Variants in AGBL4 observed in about 807,000 individuals in gnomAD.
The protein encoded by AGBL4 is cytosolic carboxypeptidase 6.
In AGBL4, 58 loss-of-function variants were observed where a neutral mutation model predicts 66.4. The ratio of observed to expected loss-of-function variants is 0.87; its 90% CI spans 0.71 to 1.09. The LOEUF is 1.09. AGBL4 is among the 50% of genes least tolerant of loss of function. The probability of loss-of-function intolerance (pLI) is 0.00; values close to 1 mark genes in which losing one functional copy is unlikely to be tolerated. For synonymous variants in AGBL4, 234 were observed against 222.9 expected, an observed-to-expected ratio of 1.05 and a Z score of -0.44; for missense variants, 579 against 631.0, an observed-to-expected ratio of 0.92 and a Z score of 0.88.
At chr1:49,932,199 G>A (rs7533003) in intron 1 of AGBL4, among the ~76,000 whole-genome samples, 103,859 of 152,022 alleles carry the variant, frequency 0.68, 36,202 homozygotes, top group African/African-American at 0.77. Context: ...AATAAAACTA[G>A]ACATACATGG....
At chr1:48,858,549 C>A (rs1279677948) in intron 6 of AGBL4, among the ~76,000 whole-genome samples, 3 of 152,086 alleles carry the variant, frequency 2.0e-5, no homozygotes, top group African/African-American at 7.2e-5. Context: ...CTTGAAAACA[C>A]TGTGGTAAGT....
intron 6 of AGBL4, among the ~76,000 whole-genome samples, chr1:48,663,767 G>A (rs1646143546): frequency 6.6e-6 from 1 of 152,124 alleles, no homozygotes; most frequent in Non-Finnish European, 1.5e-5. Flanking sequence ...CATTTAATTA[G>A]CTCCTTTTGT....
At chr1:48,852,015 C>CTTTTTTTTTTTTTTTTT (rs138826187) in intron 6 of AGBL4, among the ~76,000 whole-genome samples, 2 of 71,932 alleles carry the variant, frequency 2.8e-5, no homozygotes, top group African/African-American at 1.0e-4. Flanking sequence ...CAGATACGTA[C>CTTTTTTTTTTTTTTTTT]TTTTTTTTTT....
At chr1:49,395,698 C>G (rs538636259) in intron 3 of AGBL4, among the ~76,000 whole-genome samples, 4 of 146,786 alleles carry the variant, frequency 2.7e-5, no homozygotes, top group African/African-American at 1.0e-4. Context: ...GAAAAATTGT[C>G]TTCCACAAAA....
intron 1 of AGBL4, among the ~76,000 whole-genome samples, chr1:49,896,608 AACACACACACACACACAC>A (rs58132063): frequency 6.7e-5 from 9 of 133,802 alleles, no homozygotes; most frequent in South Asian, 2.7e-4. Context: ...GACCCATGAA[AACACACACACACACACAC>A]ACACACACAC....
chr1:48,858,597 T>G (rs1647245098), intron 6 of AGBL4, among the ~76,000 whole-genome samples: 1 of 152,198 alleles, frequency 6.6e-6, no homozygotes, highest in African/African-American at 2.4e-5. Flanking sequence ...TATGGTATGA[T>G]TTGATTTATA....
chr1:49,131,357 T>C (rs1047564120), intron 4 of AGBL4, among the ~76,000 whole-genome samples: 1 of 152,088 alleles, frequency 6.6e-6, no homozygotes, highest in African/African-American at 2.4e-5. Flanking sequence ...CGTTGATCAC[T>C]ACCCTTAAAA....
chr1:49,833,134 G>A (rs534739032), intron 2 of AGBL4, among the ~76,000 whole-genome samples: 1 of 152,086 alleles, frequency 6.6e-6, no homozygotes, highest in African/African-American at 2.4e-5. Flanking sequence ...TAGGTCTAAG[G>A]TTTAAGTCTT....
At chr1:49,029,900 A>G (rs567268379) in intron 5 of AGBL4, among the ~76,000 whole-genome samples, 2 of 152,324 alleles carry the variant, frequency 1.3e-5, no homozygotes, top group South Asian at 4.1e-4. Flanking sequence ...GATTTTTGAC[A>G]AGGGTACCAA....
intron 1 of AGBL4, among the ~76,000 whole-genome samples, chr1:49,858,873 T>A (rs116651347): frequency 7.8e-4 from 118 of 152,110 alleles, no homozygotes; most frequent in African/African-American, 2.8e-3. Flanking sequence ...AAAATTAGCA[T>A]GGTGTGGTGG....
intron 4 of AGBL4, among the ~76,000 whole-genome samples, chr1:49,216,909 G>A (rs570838357): frequency 6.6e-6 from 1 of 152,096 alleles, no homozygotes; most frequent in Non-Finnish European, 1.5e-5. Context: ...TGCAATAACC[G>A]TATGGCTCCC....
At chr1:49,391,592 C>T (rs983265993) in intron 3 of AGBL4, among the ~76,000 whole-genome samples, 5 of 146,208 alleles carry the variant, frequency 3.4e-5, no homozygotes, top group Admixed American at 6.9e-5. Flanking sequence ...GACGGAGTCT[C>T]GCTCTATCGC....
intron 2 of AGBL4, among the ~76,000 whole-genome samples, chr1:49,850,263 T>G (rs1040993487): frequency 6.6e-6 from 1 of 152,080 alleles, no homozygotes; most frequent in African/African-American, 2.4e-5. Flanking sequence ...AAGGCAGAGA[T>G]TAGAGTGATG....
At chr1:49,107,694 TGA>T (rs56321932) in intron 4 of AGBL4, among the ~76,000 whole-genome samples, 3,618 of 113,850 alleles carry the variant, frequency 0.032, 40 homozygotes, top group South Asian at 0.041. Flanking sequence ...TGTGTGTGTG[TGA>T]GAGAGAGAGA....
intron 3 of AGBL4, among the ~76,000 whole-genome samples, chr1:49,288,421 C>A (rs982008301): frequency 6.6e-6 from 1 of 150,416 alleles, no homozygotes; most frequent in African/African-American, 2.4e-5. Context: ...CTAGATCCAA[C>A]AGAGAGCATT....
chr1:49,947,969 T>TATTTATATATATAAATATATATAA, intron 1 of AGBL4, among the ~76,000 whole-genome samples: 1 of 75,272 alleles, frequency 1.3e-5, no homozygotes, highest in East Asian at 7.0e-4. Context: ...TATAAATATA[T>TATTTATATATATAAATATATATAA]ATATTTATAA....
intron 3 of AGBL4, among the ~76,000 whole-genome samples, chr1:49,636,756 T>C (rs1016264576): frequency 2.6e-5 from 4 of 152,210 alleles, no homozygotes; most frequent in African/African-American, 9.6e-5. Context: ...GGAGGAGTCT[T>C]CAGGATACTA....
At chr1:49,760,288 T>G (rs780446277) in intron 2 of AGBL4, among the ~76,000 whole-genome samples, 5 of 152,220 alleles carry the variant, frequency 3.3e-5, no homozygotes, top group African/African-American at 4.8e-5. Flanking sequence ...GTGCATAAGA[T>G]CTTTAGTTTA....
At chr1:49,599,212 G>A (rs1186448705) in intron 3 of AGBL4, among the ~76,000 whole-genome samples, 2 of 152,126 alleles carry the variant, frequency 1.3e-5, no homozygotes, top group East Asian at 3.9e-4. Context: ...GTTAGAATTC[G>A]GCTGTGAATC....
Sources: gnomAD v4.1 joint callset for allele counts (sites outside exome capture counted in the v4.1 genomes callset) on GRCh38, gnomAD v4.1.1 for gene constraint, MANE v1.5 for transcripts, NCBI Gene and HGNC (gene_info 2026-07-23, HGNC 2026-07-21) for gene names.